The following ADAM12 variants were observed in gnomAD, a reference collection of about 807,000 sequenced individuals.
ADAM12 encodes ADAM metallopeptidase domain 12.
A neutral mutation model predicts 106.4 loss-of-function variants in ADAM12; 70 were observed. The observed-to-expected ratio is 0.66, with a 90% CI of 0.54 to 0.80. The LOEUF is 0.80. Ranked by LOEUF, ADAM12 falls within the 30% of genes least tolerant of loss-of-function variation. The probability of loss-of-function intolerance (pLI) is 0.00; values close to 1 mark genes in which losing one functional copy is unlikely to be tolerated. For missense variants in ADAM12, 1,010 were observed against 1,171.9 expected, an observed-to-expected ratio of 0.86 and a Z score of 2.02; for synonymous variants, 420 against 433.5, an observed-to-expected ratio of 0.97 and a Z score of 0.39.
intron 16 of ADAM12, among the ~76,000 whole-genome samples, chr10:126,046,565 G>A (rs1337561186): frequency 6.6e-6 from 1 of 151,990 alleles, no homozygotes; most frequent in East Asian, 1.9e-4. Context: ...AGCACTTTGG[G>A]AGGCCGAGGC....
intron 4 of ADAM12, among the ~76,000 whole-genome samples, chr10:126,143,335 GTA>G (rs1305616219): frequency 6.7e-6 from 1 of 149,808 alleles, no homozygotes; most frequent in Non-Finnish European, 1.5e-5. Context: ...GTGCACATGT[GTA>G]TATGTGTGCA....
intron 2 of ADAM12, among the ~76,000 whole-genome samples, chr10:126,327,415 G>A (rs991614799): frequency 6.6e-6 from 1 of 152,314 alleles, no homozygotes. Context: ...CAAACTTCCA[G>A]ATCTGGCTTA....
chr10:126,017,965 G>C (rs1223586654), intron 22 of ADAM12, among the ~76,000 whole-genome samples: 1 of 152,146 alleles, frequency 6.6e-6, no homozygotes, highest in Admixed American at 6.5e-5. Flanking sequence ...TCCTCAAATA[G>C]AACAAGAAAA....
intron 3 of ADAM12, among the ~76,000 whole-genome samples, chr10:126,224,045 C>T (rs1252411927): frequency 6.6e-6 from 1 of 152,144 alleles, no homozygotes; most frequent in East Asian, 1.9e-4. Flanking sequence ...AACTCATGAC[C>T]CCCACCAGCT....
chr10:126,258,449 TC>T (rs1958936473), intron 3 of ADAM12, among the ~76,000 whole-genome samples: 1 of 152,118 alleles, frequency 6.6e-6, no homozygotes, highest in Non-Finnish European at 1.5e-5. Flanking sequence ...CCCAGTGGCC[TC>T]CGACCTCTGC....
intron 3 of ADAM12, among the ~76,000 whole-genome samples, chr10:126,244,285 A>C (rs1958586980): frequency 6.6e-6 from 1 of 152,214 alleles, no homozygotes; most frequent in African/African-American, 2.4e-5. Context: ...ACAATCGGGG[A>C]AAACCAGCCG....
At chr10:126,166,653 C>T (rs1957030164) in intron 3 of ADAM12, among the ~76,000 whole-genome samples, 1 of 152,182 alleles carries the variant, frequency 6.6e-6, no homozygotes, top group Admixed American at 6.5e-5. Flanking sequence ...CATGTGCCAC[C>T]ACACCCAGGT....
At chr10:126,343,703 T>G (rs1313959113) in intron 1 of ADAM12, among the ~76,000 whole-genome samples, 1 of 152,218 alleles carries the variant, frequency 6.6e-6, no homozygotes, top group Non-Finnish European at 1.5e-5. Context: ...GTTTCCCGAC[T>G]TTTTAATGAT....
intron 3 of ADAM12, among the ~76,000 whole-genome samples, chr10:126,225,437 G>A (rs1239180658): frequency 6.6e-6 from 1 of 152,198 alleles, no homozygotes; most frequent in Non-Finnish European, 1.5e-5. Flanking sequence ...AAACCTGCAC[G>A]GGATCGCACG....
rs1954097136 is a variant in ADAM12 at position 126,038,408 on chromosome 10, T to A, written c.2241-59A>T. The A allele has an allele frequency of 2.2e-6, 3 of 1,357,062 alleles. No individual in the cohort carries two copies. The South Asian group carries it at 4.5e-5, about 21-fold the overall frequency. 84.1% of individuals were successfully genotyped at this position (1,357,062 alleles called of 1,614,324 possible). On this transcript the variant is annotated intron_variant, in intron 19 of 22. Transcript: ENST00000448723. The stretch of plus-strand genomic sequence containing the variant: ...TGTTTCCCCTTCTCACTGACTTGAC[T>A]TTTTACACTTTGCTCATAGTGGCAC...
intron 2 of ADAM12, among the ~76,000 whole-genome samples, chr10:126,285,346 G>T (rs1335556963): frequency 6.6e-6 from 1 of 152,210 alleles, no homozygotes; most frequent in Non-Finnish European, 1.5e-5. Context: ...AAGTTCAAGT[G>T]AATCGATATA....
intron 3 of ADAM12, among the ~76,000 whole-genome samples, chr10:126,216,863 AC>A (rs1313295186): frequency 6.6e-6 from 1 of 152,146 alleles, no homozygotes; most frequent in African/African-American, 2.4e-5. Context: ...TCCATGAGGT[AC>A]CCCCAAAGGG....
intron 1 of ADAM12, among the ~76,000 whole-genome samples, chr10:126,352,187 A>G (rs781199283): frequency 6.6e-5 from 10 of 152,180 alleles, no homozygotes; most frequent in Non-Finnish European, 1.5e-4. Context: ...TTGGTATTCC[A>G]TGCCTAAAAC....
chr10:126,123,766 G>C (rs571076474), intron 5 of ADAM12, among the ~76,000 whole-genome samples: 40 of 152,302 alleles, frequency 2.6e-4, no homozygotes, highest in Admixed American at 6.5e-4. Flanking sequence ...AGTTTTGAGA[G>C]AGGGGCCCAG....
intron 21 of ADAM12, among the ~76,000 whole-genome samples, chr10:126,033,812 A>G (rs780628955): frequency 5.3e-5 from 8 of 152,224 alleles, no homozygotes; most frequent in Non-Finnish European, 8.8e-5. Flanking sequence ...GAAGGGGAAC[A>G]ACATTTTTAA....
chr10:126,296,803 T>A (rs12571178), intron 2 of ADAM12, among the ~76,000 whole-genome samples: 1 of 152,256 alleles, frequency 6.6e-6, no homozygotes, highest in African/African-American at 2.4e-5. Context: ...CAGGTTTCCC[T>A]ATCGGGGATC....
rs186225640 is a variant in ADAM12, at chr10:126,133,654, G to T, written c.416+1930C>A. On this transcript the variant is annotated intron_variant, in intron 5 of 22. Transcript: ENST00000448723. ...TCCAAGCTCCCTGGCACCCATCACT[G>T]GGGGGGAGGCCAAAGGACATCTGAT... Among the ~76,000 whole-genome samples the T allele has an allele frequency of 4.8e-3, 732 of 151,140 alleles. 5 individuals are homozygous for T. The highest frequency in any genetic ancestry group is 0.017 in the African/African-American group (704 of 40,562).
Position 126,069,595 on chromosome 10 carries a change from A to G in ADAM12, c.1323+1882T>C, listed in dbSNP as rs182791249. 2.6e-4 allele frequency among the ~76,000 whole-genome samples: 40 copies of G among 152,336 alleles called. No homozygotes were observed. The East Asian group carries it at 6.7e-3, about 26-fold the overall frequency. ...GAGGATCAGAATATGAGTGGCTGAC[A>G]CATTTTAGGCACTCAAGCATTTGCT... On this transcript the variant is annotated intron_variant, in intron 12 of 22. Coordinates refer to ENST00000448723, the MANE Select transcript of ADAM12 (RefSeq NM_001288973.2).
rs988350149 is a variant in ADAM12, at chr10:126,298,044, T to C, written c.187-19056A>G. Among the ~76,000 whole-genome samples, 7 of 152,206 alleles carry C rather than the reference T, an allele frequency of 4.6e-5. No homozygotes were observed. In the South Asian group the frequency reaches 6.3e-4, roughly 14 times the overall value. On this transcript the variant is annotated intron_variant, in intron 2 of 22. Transcript: ENST00000448723. The stretch of plus-strand genomic sequence containing the variant: ...AGGGCGAATGAGAAGTAGATCAGTC[T>C]TCACAAAGCCTGAGACCTGTTCAGT...
Sources: gnomAD v4.1 joint callset for allele counts (sites outside exome capture counted in the v4.1 genomes callset) on GRCh38, gnomAD v4.1.1 for gene constraint, MANE v1.5 for transcripts, NCBI Gene and HGNC (gene_info 2026-07-23, HGNC 2026-07-21) for gene names.